Variants in GLMN observed in about 807,000 individuals in gnomAD.
The protein encoded by GLMN is glomulin.
GLMN carries 75 observed loss-of-function variants against 87.8 expected under a neutral mutation model. The observed-to-expected ratio is 0.85, with a 90% CI of 0.71 to 1.04. The LOEUF is 1.04. Ranked by LOEUF, GLMN falls within the 50% of genes least tolerant of loss-of-function variation. GLMN has a pLI of 0.00. For missense variants in GLMN, 588 were observed against 658.8 expected (o/e 0.89, Z 1.18); for synonymous variants, 206 against 221.6 (o/e 0.93, Z 0.63).
intron 16 of GLMN, among the ~76,000 whole-genome samples, chr1:92,253,274 G>T (rs1653775582): frequency 6.6e-6 from 1 of 152,144 alleles, no homozygotes. Flanking sequence ...TCCAGTCAGG[G>T]GCTTATAGAT....
intron 16 of GLMN, among the ~76,000 whole-genome samples, chr1:92,262,147 T>A (rs555960047): frequency 2.6e-5 from 4 of 151,902 alleles, no homozygotes; most frequent in South Asian, 2.1e-4. Flanking sequence ...TTACCTAATT[T>A]AAAAAAAATT....
chr1:92,330,413 CCT>C, the GLMN span, among the ~76,000 whole-genome samples: 1 of 142,550 alleles, frequency 7.0e-6, no homozygotes, highest in South Asian at 2.3e-4. Flanking sequence ...ACTATCTTTT[CCT>C]CTGATTTTCT....
At chr1:92,354,489 G>A in the GLMN span, among the ~76,000 whole-genome samples, 1 of 152,180 alleles carries the variant, frequency 6.6e-6, no homozygotes, top group Non-Finnish European at 1.5e-5. Context: ...ACAAACCTAT[G>A]TGTAATATAT....
intron 13 of GLMN, among the ~76,000 whole-genome samples, chr1:92,265,015 G>A (rs950516585): frequency 9.9e-5 from 15 of 152,106 alleles, no homozygotes; most frequent in Middle Eastern, 3.4e-3. Flanking sequence ...CTAATTTTTT[G>A]TATTTGTAGT....
the GLMN span, among the ~76,000 whole-genome samples, chr1:92,352,744 A>G: frequency 7.2e-5 from 11 of 152,214 alleles, no homozygotes; most frequent in African/African-American, 2.7e-4. Context: ...AAAATATACA[A>G]TTCACTGGTT....
chr1:92,266,178 C>T (rs1655610318), intron 13 of GLMN, among the ~76,000 whole-genome samples: 1 of 152,024 alleles, frequency 6.6e-6, no homozygotes, highest in African/African-American at 2.4e-5. Flanking sequence ...TAGAGTATTC[C>T]AATTGATTGA....
the GLMN span, among the ~76,000 whole-genome samples, chr1:92,335,285 T>A: frequency 2.0e-5 from 3 of 152,128 alleles, no homozygotes; most frequent in South Asian, 6.2e-4. Flanking sequence ...GTAGCAAAAA[T>A]TAAGAAATTG....
At chr1:92,305,349 C>T in the GLMN span, among the ~76,000 whole-genome samples, 4 of 144,776 alleles carry the variant, frequency 2.8e-5, no homozygotes, top group African/African-American at 5.2e-5. Flanking sequence ...AGGAGAATGG[C>T]GTGAACCCGG....
At position 92,247,900 on chromosome 1, in the gene GLMN, T is replaced by C. The variant is rs772838108; in HGVS notation, c.1563A>G (p.Glu521=). 1.5e-6 allele frequency: 2 copies of C among 1,324,594 alleles called. No individual in the cohort carries two copies. The highest frequency in any genetic ancestry group is 2.3e-5 in the East Asian group (1 of 43,458). The allele number at this position is 1,324,594 out of a possible 1,614,324, so 82.1% of individuals were successfully genotyped here. ...IGLNMSKAHY[E]AEIKNSQEAQ... Reference sequence around the variant, plus strand: ...AACCTTGGCTATTTTTAATTTCTGCTTCATAATGTGCTTTTGACATATTAA... The same window carrying C: ...AACCTTGGCTATTTTTAATTTCTGCCTCATAATGTGCTTTTGACATATTAA... The change falls in exon 17 of 19, where the codon GAA becomes GAG. Residue 521 remains glutamate, a synonymous_variant. Transcript: ENST00000370360.
chr1:92,320,473 A>G, the GLMN span: 19 of 627,736 alleles, frequency 3.0e-5, no homozygotes, highest in Admixed American at 3.4e-4. Context: ...GGGTTTCACC[A>G]TGTTGGCCAG....
chr1:92,329,274 G>A, the GLMN span, among the ~76,000 whole-genome samples: 1 of 152,132 alleles, frequency 6.6e-6, no homozygotes, highest in Non-Finnish European at 1.5e-5. Flanking sequence ...AGACCATCAG[G>A]TGGGGGTACC....
At chr1:92,299,190 G>C, upstream of GLMN, 2 of 1,257,558 alleles carry the variant, frequency 1.6e-6, no homozygotes, top group Non-Finnish European at 2.2e-6. Flanking sequence ...CTGAAAGCTG[G>C]GCCCCGATCT....
chr1:92,307,345 T>A, the GLMN span: 1 of 1,034,578 alleles, frequency 9.7e-7, no homozygotes, highest in Non-Finnish European at 1.4e-6. Flanking sequence ...TTTTTGAGAT[T>A]AGCTGAGAGT....
chr1:92,356,704 G>T, the GLMN span, among the ~76,000 whole-genome samples: 2 of 151,128 alleles, frequency 1.3e-5, no homozygotes, highest in African/African-American at 4.9e-5. Flanking sequence ...CGAAGTGCTG[G>T]GATTACAGGC....
intron 17 of GLMN, 98 bp from the exon 18 acceptor site, chr1:92,247,242 A>T: frequency 1.3e-6 from 1 of 757,426 alleles, no homozygotes; most frequent in Admixed American, 1.8e-5. Context: ...CATGTCAGTT[A>T]TTTGTATAAA....
chr1:92,288,722 C>T (rs1036115797), intron 6 of GLMN, among the ~76,000 whole-genome samples, 192 bp downstream of exon 6: 15 of 152,200 alleles, frequency 9.9e-5, no homozygotes, highest in Non-Finnish European at 1.8e-4. Context: ...AGCCACTACA[C>T]CCGGCCTATA....
intron 7 of GLMN, among the ~76,000 whole-genome samples, chr1:92,273,331 T>C (rs970863544): frequency 1.3e-5 from 2 of 152,144 alleles, no homozygotes; most frequent in Non-Finnish European, 2.9e-5. Context: ...TGGTTATAGC[T>C]ACAAGACAAA....
At chr1:92,257,099 T>C (rs1176797944) in intron 16 of GLMN, among the ~76,000 whole-genome samples, 1 of 152,180 alleles carries the variant, frequency 6.6e-6, no homozygotes, top group Non-Finnish European at 1.5e-5. Context: ...CAAGCATTCC[T>C]ATACACCAAT....
chr1:92,292,958 G>A (rs551323978), intron 3 of GLMN, among the ~76,000 whole-genome samples: 4 of 151,838 alleles, frequency 2.6e-5, no homozygotes, highest in African/African-American at 9.6e-5. Flanking sequence ...GGGAGGCGAG[G>A]TAGCAGTGAG....
Sources: allele counts gnomAD v4.1 joint callset (sites outside exome capture counted in the v4.1 genomes callset), GRCh38; gene constraint gnomAD v4.1.1; transcripts MANE v1.5; gene names NCBI Gene and HGNC (gene_info 2026-07-23, HGNC 2026-07-21).